TMCO5A: variants seen among roughly 807,000 people sequenced by gnomAD.
The protein encoded by TMCO5A is transmembrane and coiled-coil domain-containing protein 5A.
In TMCO5A, 34 loss-of-function variants were observed where a neutral mutation model predicts 42.3. That is an observed-to-expected ratio of 0.80 (90% CI 0.61 to 1.07). The LOEUF is 1.07. Ranked by LOEUF, TMCO5A falls within the 50% of genes least tolerant of loss-of-function variation. The pLI is 0.00. For missense variants in TMCO5A, 357 were observed against 327.9 expected (o/e 1.09, Z -0.69); for synonymous variants, 131 against 115.6 (o/e 1.13, Z -0.86).
At chr15:37,956,925 G>C (rs1463927152) in intron 11 of TMCO5A, among the ~76,000 whole-genome samples, 5 of 152,142 alleles carry the variant, frequency 3.3e-5, no homozygotes, top group South Asian at 4.2e-4. Context: ...GGGATGCAAG[G>C]CTGGTTCAAC....
rs777236372 is a variant in TMCO5A at position 37,943,297 on chromosome 15, C to A, written c.570-44C>A. 11 of 1,582,640 alleles carry A rather than the reference C, an allele frequency of 7.0e-6. No individual in the cohort carries two copies. In the Admixed American group the frequency reaches 1.7e-4, roughly 24 times the overall value. ...TAACCATAGTGTAGTATGAATATTT[C>A]AGTGCACTTTGTTCAATTTCTGTCC... is the stretch of plus-strand genomic sequence containing the variant. On this transcript the variant is annotated intron_variant, in intron 9 of 11. Transcript: ENST00000319669.
intron 11 of TMCO5A, among the ~76,000 whole-genome samples, chr15:37,959,132 G>A (rs10444815): frequency 0.64 from 96,586 of 151,770 alleles, 34,479 homozygotes; most frequent in Middle Eastern, 0.82. Context: ...GGGGGGTTAG[G>A]GGAGGGATAG....
At chr15:38,023,522 G>T in the TMCO5A span, among the ~76,000 whole-genome samples, 6 of 152,276 alleles carry the variant, frequency 3.9e-5, no homozygotes, top group East Asian at 1.2e-3. Context: ...AAGAGGACTG[G>T]GATGAAGTTG....
the TMCO5A span, among the ~76,000 whole-genome samples, chr15:37,998,135 C>T: frequency 6.7e-6 from 1 of 149,862 alleles, no homozygotes; most frequent in African/African-American, 2.4e-5. Context: ...AAATGTTTTC[C>T]CCCATTCCGT....
chr15:37,961,276 A>G (rs1355154819), intron 11 of TMCO5A, among the ~76,000 whole-genome samples: 1 of 152,158 alleles, frequency 6.6e-6, no homozygotes, highest in Non-Finnish European at 1.5e-5. Flanking sequence ...CAATTATCCC[A>G]GCACTATTTG....
At chr15:37,968,728 G>A (rs1257713510), downstream of TMCO5A, among the ~76,000 whole-genome samples, 31 of 151,650 alleles carry the variant, frequency 2.0e-4, no homozygotes, top group Admixed American at 2.0e-3. Context: ...GGTTACAGGC[G>A]CCCACCACCA....
the TMCO5A span, among the ~76,000 whole-genome samples, chr15:38,027,650 A>G: frequency 2.0e-5 from 3 of 152,128 alleles, no homozygotes; most frequent in African/African-American, 4.8e-5. Flanking sequence ...CCAGGGGCAG[A>G]ATGATATGGT....
chr15:38,007,872 C>CTTTTTTTT, the TMCO5A span, among the ~76,000 whole-genome samples: 31 of 47,404 alleles, frequency 6.5e-4, 9 homozygotes, highest in East Asian at 2.2e-3. Context: ...CTCACCCACA[C>CTTTTTTTT]TTTTTTTTTT....
downstream of TMCO5A, among the ~76,000 whole-genome samples, chr15:37,968,160 T>C (rs1290386302): frequency 6.6e-6 from 1 of 152,122 alleles, no homozygotes; most frequent in African/African-American, 2.4e-5. Flanking sequence ...AGACTCAAGG[T>C]GCACTTCTTC....
At chr15:37,945,152 T>A (rs976054685) in intron 10 of TMCO5A, among the ~76,000 whole-genome samples, 4 of 152,118 alleles carry the variant, frequency 2.6e-5, no homozygotes, top group Non-Finnish European at 5.9e-5. Flanking sequence ...TTGGGTTAGT[T>A]GGCTGAGTAA....
the TMCO5A span, among the ~76,000 whole-genome samples, chr15:37,975,046 GC>G: frequency 6.6e-6 from 1 of 152,112 alleles, no homozygotes; most frequent in African/African-American, 2.4e-5. Flanking sequence ...GTAACAGTGT[GC>G]TTTTGAGGAG....
chr15:38,029,149 T>G, the TMCO5A span, among the ~76,000 whole-genome samples: 1 of 152,080 alleles, frequency 6.6e-6, no homozygotes, highest in African/African-American at 2.4e-5. Flanking sequence ...AGTGATGATC[T>G]GGGAGAAAGT....
the TMCO5A span, among the ~76,000 whole-genome samples, chr15:37,980,737 C>A: frequency 6.6e-6 from 1 of 151,160 alleles, no homozygotes; most frequent in Non-Finnish European, 1.5e-5. Context: ...TTTGTTCCCA[C>A]TGGGTGGCCA....
the TMCO5A span, among the ~76,000 whole-genome samples, chr15:37,989,980 C>T: frequency 6.6e-6 from 1 of 152,042 alleles, no homozygotes; most frequent in Non-Finnish European, 1.5e-5. Flanking sequence ...CATATTCAGA[C>T]CACAGCAGAT....
the TMCO5A span, among the ~76,000 whole-genome samples, chr15:38,037,511 CA>C: frequency 1.3e-5 from 2 of 152,110 alleles, no homozygotes; most frequent in Non-Finnish European, 2.9e-5. Context: ...AGGACCTGTA[CA>C]ATAGGAAGAG....
downstream of TMCO5A, among the ~76,000 whole-genome samples, chr15:37,970,713 C>A (rs1045433162): frequency 6.6e-6 from 1 of 152,162 alleles, no homozygotes; most frequent in African/African-American, 2.4e-5. Flanking sequence ...ATGGCCATTC[C>A]AAATGGGAGA....
the TMCO5A span, among the ~76,000 whole-genome samples, chr15:38,012,385 G>C: frequency 6.6e-6 from 1 of 152,138 alleles, no homozygotes; most frequent in South Asian, 2.1e-4. Context: ...TCGATTTTTT[G>C]AGCAGAAAAT....
the TMCO5A span, among the ~76,000 whole-genome samples, chr15:38,003,684 C>T: frequency 6.6e-6 from 1 of 152,040 alleles, no homozygotes; most frequent in Non-Finnish European, 1.5e-5. Context: ...ACCACTGCCC[C>T]AGGCCCACAA....
In TMCO5A at chr15:37,941,182, T is replaced by C. The variant is rs79150042; in HGVS notation, c.421T>C (p.Cys141Arg). 4,598 of 1,613,144 alleles carry C rather than the reference T, an allele frequency of 2.9e-3. 130 individuals carry two copies. The African/African-American group carries it at 0.052, about 18-fold the overall frequency. The change falls in exon 7 of 12, where the codon TGC becomes CGC. Residue 141 changes from cysteine to arginine, a missense_variant. Physicochemically the swap from Cys to Arg is radical, Grantham distance 180. Coordinates refer to ENST00000319669, the MANE Select transcript of TMCO5A (RefSeq NM_152453.4). Reference sequence around the variant, plus strand: ...ACAACAGCTGGAAGCTTCCTATGCATGCCAAGAGAAGGAGCTGCTCAAGGT... The same window carrying C: ...ACAACAGCTGGAAGCTTCCTATGCACGCCAAGAGAAGGAGCTGCTCAAGGT... ...KLQQLEASYA[C>R]QEKELLKVMK...
Sources: allele counts gnomAD v4.1 joint callset (sites outside exome capture counted in the v4.1 genomes callset), GRCh38; gene constraint gnomAD v4.1.1; transcripts MANE v1.5; gene names NCBI Gene and HGNC (gene_info 2026-07-23, HGNC 2026-07-21).